Variants in SLC14A2 observed in about 807,000 individuals in gnomAD.
SLC14A2 encodes the protein solute carrier family 14 member 2.
SLC14A2 carries 91 observed loss-of-function variants against 104.6 expected under a neutral mutation model. The ratio of observed to expected loss-of-function variants is 0.87; its 90% CI spans 0.73 to 1.04. The LOEUF (loss-of-function observed/expected upper bound fraction) is 1.04. Among genes scored for constraint, SLC14A2 ranks in the 50% least tolerant of loss-of-function variants. The probability of loss-of-function intolerance (pLI) is 0.00; values close to 1 mark genes in which losing one functional copy is unlikely to be tolerated. For synonymous variants in SLC14A2, 476 were observed against 466.4 expected, an observed-to-expected ratio of 1.02 and a Z score of -0.27; for missense variants, 1,189 against 1,156.0, an observed-to-expected ratio of 1.03 and a Z score of -0.41.
intron 10 of SLC14A2, among the ~76,000 whole-genome samples, chr18:45,661,800 C>T (rs2045940071): frequency 6.6e-6 from 1 of 152,208 alleles, no homozygotes; most frequent in East Asian, 1.9e-4. Context: ...AATGATACCC[C>T]TCATCATCCT....
At chr18:45,300,437 C>CA (rs943834616) in intron 1 of SLC14A2, among the ~76,000 whole-genome samples, 1,866 of 129,950 alleles carry the variant, frequency 0.014, 21 homozygotes, top group East Asian at 0.038. Context: ...GAACCCTCCC[C>CA]AAAAAAAAAA....
At chr18:45,441,005 T>A (rs911120066) in intron 1 of SLC14A2, among the ~76,000 whole-genome samples, 1 of 152,098 alleles carries the variant, frequency 6.6e-6, no homozygotes, top group Non-Finnish European at 1.5e-5. Context: ...TTGACTGACT[T>A]CTCTATTTCT....
At chr18:45,360,352 A>C (rs2085598261) in intron 1 of SLC14A2, among the ~76,000 whole-genome samples, 1 of 152,190 alleles carries the variant, frequency 6.6e-6, no homozygotes, top group South Asian at 2.1e-4. Context: ...AGGGTCTTCT[A>C]TTTCTTTGTG....
chr18:45,300,660 A>G (rs942528590), intron 1 of SLC14A2, among the ~76,000 whole-genome samples: 1 of 152,194 alleles, frequency 6.6e-6, no homozygotes, highest in Non-Finnish European at 1.5e-5. Context: ...ACTTACTTTA[A>G]TCTTATAAAC....
chr18:45,295,728 C>G (rs899614883), intron 1 of SLC14A2, among the ~76,000 whole-genome samples: 1 of 152,282 alleles, frequency 6.6e-6, no homozygotes, highest in Admixed American at 6.5e-5. Context: ...TCTGCACCAC[C>G]AATCACATTG....
intron 1 of SLC14A2, among the ~76,000 whole-genome samples, chr18:45,221,790 T>G (rs1043104343): frequency 7.3e-5 from 11 of 151,404 alleles, no homozygotes; most frequent in Admixed American, 5.9e-4. Flanking sequence ...TGTCTTAGAG[T>G]GTGTAGAGGT....
chr18:45,662,930 A>G (rs1419565943), intron 10 of SLC14A2, among the ~76,000 whole-genome samples: 2 of 152,102 alleles, frequency 1.3e-5, no homozygotes, highest in Non-Finnish European at 2.9e-5. Context: ...CAAGACACCA[A>G]GATAATTCAA....
chr18:45,197,625 T>A, the SLC14A2 span, among the ~76,000 whole-genome samples: 1 of 152,162 alleles, frequency 6.6e-6, no homozygotes, highest in African/African-American at 2.4e-5. Context: ...GGAACTTACA[T>A]CCCACTGATG....
At chr18:45,571,145 A>G (rs763806274) in intron 2 of SLC14A2, among the ~76,000 whole-genome samples, 2 of 152,218 alleles carry the variant, frequency 1.3e-5, no homozygotes, top group Non-Finnish European at 2.9e-5. Context: ...CCCTTTAAGG[A>G]GGAGGAAGCC....
chr18:45,169,395 T>C, the SLC14A2 span, among the ~76,000 whole-genome samples: 4 of 152,168 alleles, frequency 2.6e-5, no homozygotes, highest in African/African-American at 9.7e-5. Flanking sequence ...CACTCTATAA[T>C]TGATCTGATG....
At chr18:45,366,325 C>T (rs897812970) in intron 1 of SLC14A2, among the ~76,000 whole-genome samples, 2 of 152,154 alleles carry the variant, frequency 1.3e-5, no homozygotes, top group Non-Finnish European at 2.9e-5. Context: ...GCTCTCCTCT[C>T]CTCAAGAAAG....
chr18:45,571,815 T>C (rs1234357373), intron 2 of SLC14A2, among the ~76,000 whole-genome samples: 1 of 152,226 alleles, frequency 6.6e-6, no homozygotes, highest in Non-Finnish European at 1.5e-5. Context: ...AACTGATGTC[T>C]GAAACAACAG....
chr18:45,614,002 G>A (rs890788713), upstream of SLC14A2, among the ~76,000 whole-genome samples: 2 of 152,234 alleles, frequency 1.3e-5, no homozygotes, highest in Admixed American at 6.5e-5. Context: ...GGGCATGTCA[G>A]AGAACTTTGC....
At chr18:45,199,054 T>C in the SLC14A2 span, among the ~76,000 whole-genome samples, 1 of 152,172 alleles carries the variant, frequency 6.6e-6, no homozygotes, top group Non-Finnish European at 1.5e-5. Flanking sequence ...TGTCTGAAGA[T>C]GTCTTACCAT....
intron 10 of SLC14A2, among the ~76,000 whole-genome samples, chr18:45,651,554 G>C (rs781591090): frequency 6.6e-6 from 1 of 152,234 alleles, no homozygotes; most frequent in Non-Finnish European, 1.5e-5. Context: ...GAAGTTGCTT[G>C]AGAGATAATG....
At chr18:45,257,493 G>T (rs1286512114) in intron 1 of SLC14A2, among the ~76,000 whole-genome samples, 2 of 152,142 alleles carry the variant, frequency 1.3e-5, no homozygotes, top group Admixed American at 1.3e-4. Context: ...CTATTGGCCA[G>T]CAAGAAGAAA....
intron 2 of SLC14A2, among the ~76,000 whole-genome samples, chr18:45,503,602 A>G (rs1435803639): frequency 3.9e-5 from 6 of 152,150 alleles, no homozygotes; most frequent in Non-Finnish European, 8.8e-5. Context: ...CTCAGACACA[A>G]TCTCCACTTT....
chr18:45,659,158 G>A (rs573036715), intron 10 of SLC14A2, among the ~76,000 whole-genome samples: 2 of 152,328 alleles, frequency 1.3e-5, no homozygotes, highest in African/African-American at 4.8e-5. Flanking sequence ...CAGGACATGC[G>A]TGTAACTGCC....
chr18:45,395,338 G>A (rs987989257), intron 1 of SLC14A2, among the ~76,000 whole-genome samples: 7 of 152,188 alleles, frequency 4.6e-5, no homozygotes, highest in Admixed American at 2.6e-4. Context: ...TTCAAACTCT[G>A]AGAAGCAGAA....
Sources: allele counts gnomAD v4.1 joint callset (sites outside exome capture counted in the v4.1 genomes callset), GRCh38; gene constraint gnomAD v4.1.1; transcripts MANE v1.5; gene names NCBI Gene and HGNC (gene_info 2026-07-23, HGNC 2026-07-21).